CD58: variants seen among roughly 807,000 people sequenced by gnomAD.
CD58 encodes the protein CD58 molecule, also known as lymphocyte function-associated antigen 3.
A neutral mutation model predicts 27.6 loss-of-function variants in CD58; 14 were observed. That is an observed-to-expected ratio of 0.51 (90% CI 0.34 to 0.79). The LOEUF is 0.79. Among genes scored for constraint, CD58 ranks in the 30% least tolerant of loss-of-function variants. CD58 has a pLI of 0.02. For synonymous variants in CD58, 117 were observed against 103.8 expected (o/e 1.13, Z -0.77); for missense variants, 268 against 301.7 (o/e 0.89, Z 0.83).
rs1183157398 is a variant in CD58 at position 116,534,072 on chromosome 1, T to A, written c.628+1893A>T. On this transcript the variant is annotated intron_variant, in intron 3 of 5. Coordinates refer to ENST00000369489, the MANE Select transcript of CD58 (RefSeq NM_001779.3). This position sits in a 1 kb window ranked among gnomAD's most constrained non-coding sequence, Gnocchi z 5.3. Reference sequence around the variant, plus strand: ...CCACGAAATCTGAAGGAACCCCATCTGAAAAACTGTTATCTGCCATCTGAA... The same window carrying A: ...CCACGAAATCTGAAGGAACCCCATCAGAAAAACTGTTATCTGCCATCTGAA... The A allele has an allele frequency of 1.2e-6, 1 of 861,484 alleles. No homozygotes were observed. Among genetic ancestry groups the A allele is most frequent in the Admixed American group, 1.7e-5 (1 of 58,254 alleles). The allele number at this position is 861,484 out of a possible 1,614,324, so 53.4% of individuals were successfully genotyped here. A position where few individuals can be genotyped will look rare whatever the true frequency, so the allele number is the denominator to read the frequency against.
At position 116,550,587 on chromosome 1, in the gene CD58, T is replaced by C. The variant is rs1426438655; in HGVS notation, c.71-5983A>G. Among the ~76,000 whole-genome samples, 1 of 152,190 alleles carries C rather than the reference T, an allele frequency of 6.6e-6. No individual in the cohort carries two copies. Among genetic ancestry groups the C allele is most frequent in the African/African-American group, 2.4e-5 (1 of 41,432 alleles). ...GGAATCAAATTCTTCCAAACTCCTG[T>C]TAATATTGATATTTTGACCTGACGA... On this transcript the variant is annotated intron_variant, in intron 1 of 5. Transcript: ENST00000369489. The surrounding 1 kb of genome is among the most constrained non-coding windows in gnomAD (Gnocchi z 4.2).
intron 1 of CD58, among the ~76,000 whole-genome samples, chr1:116,547,184 G>T (rs1409684888): frequency 6.6e-6 from 1 of 151,210 alleles, no homozygotes; most frequent in African/African-American, 2.4e-5. Flanking sequence ...AGTCCCCAAA[G>T]TTCACTGTAT....
intron 1 of CD58, among the ~76,000 whole-genome samples, chr1:116,564,922 A>C (rs951318616): frequency 2.0e-5 from 3 of 152,122 alleles, no homozygotes; most frequent in South Asian, 4.1e-4. Flanking sequence ...AGCCAAGTTC[A>C]TACTTTTGAG....
At chr1:116,566,932 A>G (rs1658955121) in intron 1 of CD58, among the ~76,000 whole-genome samples, 1 of 151,890 alleles carries the variant, frequency 6.6e-6, no homozygotes, top group Admixed American at 6.6e-5. Context: ...TGAGCCCAGG[A>G]GTTCAAGACC....
chr1:116,551,589 C>T (rs1483383898), intron 1 of CD58, among the ~76,000 whole-genome samples: 2 of 152,156 alleles, frequency 1.3e-5, no homozygotes, highest in African/African-American at 4.8e-5. Context: ...TCTGCAATAA[C>T]GCTGTTTCAC....
intron 2 of CD58, among the ~76,000 whole-genome samples, chr1:116,540,506 C>T (rs1278456812): frequency 4.6e-5 from 7 of 152,152 alleles, no homozygotes; most frequent in Admixed American, 4.6e-4. Flanking sequence ...CTTGACATCT[C>T]CTCTCTTTAA....
rs1184090451 is a variant in CD58, at chr1:116,550,948, A to G, written c.71-6344T>C. 1.3e-5 allele frequency among the ~76,000 whole-genome samples: 2 copies of G among 152,170 alleles called. No homozygotes were observed. Among genetic ancestry groups the G allele is most frequent in the Non-Finnish European group, 2.9e-5 (2 of 68,040 alleles). ...GTGCATTGTCAACAAGCAATAATAT[A>G]CTGAAATGAATCTTTTTTTTCTAAG... On this transcript the variant is annotated intron_variant, in intron 1 of 5. Transcript: ENST00000369489. This position sits in a 1 kb window ranked among gnomAD's most constrained non-coding sequence, Gnocchi z 4.2.
chr1:116,530,446 C>T (rs1424304092), intron 3 of CD58, among the ~76,000 whole-genome samples: 1 of 152,062 alleles, frequency 6.6e-6, no homozygotes, highest in Admixed American at 6.5e-5. Flanking sequence ...ACCTCGTGAT[C>T]CACCCGCCTC....
Position 116,524,408 on chromosome 1 carries a change from T to C in CD58, c.629-2425A>G, listed in dbSNP as rs1657366095. On this transcript the variant is annotated intron_variant, in intron 3 of 5. Transcript: ENST00000369489. The surrounding 1 kb of genome is among the most constrained non-coding windows in gnomAD (Gnocchi z 4.6). The stretch of plus-strand genomic sequence containing the variant: ...AGGACTGGCTCTTGTTTCTAGAACA[T>C]TTCAATGGACAGAACCAGGAAATAC... Among the ~76,000 whole-genome samples, 1 of 152,162 alleles carries C rather than the reference T, an allele frequency of 6.6e-6. No individual in the cohort carries two copies. Among genetic ancestry groups the C allele is most frequent in the Non-Finnish European group, 1.5e-5 (1 of 68,012 alleles).
At position 116,524,365 on chromosome 1, in the gene CD58, A is replaced by G. The variant is rs1188348885; in HGVS notation, c.629-2382T>C. On this transcript the variant is annotated intron_variant, in intron 3 of 5. Transcript: ENST00000369489. This position sits in a 1 kb window ranked among gnomAD's most constrained non-coding sequence, Gnocchi z 4.6. ...CTCAAATCTGGGTCCAAGAACCAAG[A>G]AGCATGCAAATTGCTACAGGACTGG... 2.6e-5 allele frequency among the ~76,000 whole-genome samples: 4 copies of G among 152,236 alleles called. No homozygotes were observed. In the East Asian group the frequency reaches 7.7e-4, roughly 29 times the overall value.
rs2101155600 is a variant in CD58, at chr1:116,521,720, T to G, written c.706+186A>C. ...TGTGGCCTAAGGATTCATTCTACCT[T>G]GAGATAATGTGGATCTTTGGAGGAA... On this transcript the variant is annotated intron_variant, in intron 4 of 5. Transcript: ENST00000369489. This position sits in a 1 kb window ranked among gnomAD's most constrained non-coding sequence, Gnocchi z 5.6. 4.5e-4 allele frequency: 234 copies of G among 516,346 alleles called. No individual in the cohort carries two copies. The highest frequency in any genetic ancestry group is 1.1e-3 in the Middle Eastern group (2 of 1,754). 32.0% of individuals were successfully genotyped at this position (516,346 alleles called of 1,614,324 possible). A position where few individuals can be genotyped will look rare whatever the true frequency, so the allele number is the denominator to read the frequency against.
chr1:116,537,503 G>A (rs1657850603), intron 2 of CD58, among the ~76,000 whole-genome samples: 1 of 152,220 alleles, frequency 6.6e-6, no homozygotes, highest in Admixed American at 6.5e-5. Context: ...GTCGGGCCCT[G>A]CCTATTGGTT....
rs1657023607 is a variant in CD58, at chr1:116,514,814, C to G, written c.752G>C (p.Ter251SerextTer15). ...DRKPDRTNSN* is the reference protein window; with the variant it reads ...DRKPDRTNSNS ...GTTGTCTTCATCTTCTGTTACCAAT[C>G]AATTGGAGCTACAAAAAAAAATCAT... is the stretch of plus-strand genomic sequence containing the variant. The change falls in exon 6 of 6, where the codon TGA becomes TCA. Residue 251 changes from the stop codon to serine, a stop_lost. Coordinates refer to ENST00000369489, the MANE Select transcript of CD58 (RefSeq NM_001779.3). The G allele has an allele frequency of 4.5e-6, 7 of 1,549,292 alleles. No homozygotes were observed. The highest frequency in any genetic ancestry group is 2.7e-5 in the African/African-American group (2 of 73,294).
Position 116,559,206 on chromosome 1 carries a change from G to A in CD58, c.70+11697C>T, listed in dbSNP as rs1393402189. On this transcript the variant is annotated intron_variant, in intron 1 of 5. Coordinates refer to ENST00000369489, the MANE Select transcript of CD58 (RefSeq NM_001779.3). The surrounding 1 kb of genome is among the most constrained non-coding windows in gnomAD (Gnocchi z 4.4). ...AGAGTCCAGAAAAGCAGGGGAGCGA[G>A]CCTAAGAACATCTGGGGTGAGAGTG... 1.3e-5 allele frequency among the ~76,000 whole-genome samples: 2 copies of A among 152,142 alleles called. No homozygotes were observed. Among genetic ancestry groups the A allele is most frequent in the Admixed American group, 1.3e-4 (2 of 15,276 alleles).
rs1657124539 is a variant in CD58 at position 116,517,707 on chromosome 1, C to A, written c.743+1524G>T. Among the ~76,000 whole-genome samples the A allele has an allele frequency of 6.6e-6, 1 of 152,174 alleles. No individual in the cohort carries two copies. Among genetic ancestry groups the A allele is most frequent in the Admixed American group, 6.5e-5 (1 of 15,278 alleles). Reference sequence around the variant, plus strand: ...TCTGCCTCTTCCCATCACCCTAGGGCATCTAGCTTTTCTTTCTTAGTGACC... The same window carrying A: ...TCTGCCTCTTCCCATCACCCTAGGGAATCTAGCTTTTCTTTCTTAGTGACC... On this transcript the variant is annotated intron_variant, in intron 5 of 5. Coordinates refer to ENST00000369489, the MANE Select transcript of CD58 (RefSeq NM_001779.3). This position sits in a 1 kb window ranked among gnomAD's most constrained non-coding sequence, Gnocchi z 6.5.
chr1:116,521,715 T>C lies in CD58; in HGVS notation c.706+191A>G. 1.9e-6 allele frequency: 1 copy of C among 514,070 alleles called. No homozygotes were observed. The highest frequency in any genetic ancestry group is 3.6e-6 in the Non-Finnish European group (1 of 277,346). 31.8% of individuals were successfully genotyped at this position (514,070 alleles called of 1,614,324 possible). ...CTCTCTGTGGCCTAAGGATTCATTC[T>C]ACCTTGAGATAATGTGGATCTTTGG... On this transcript the variant is annotated intron_variant, in intron 4 of 5. Transcript: ENST00000369489. The surrounding 1 kb of genome is among the most constrained non-coding windows in gnomAD (Gnocchi z 5.6).
In CD58 at chr1:116,517,281, C is replaced by G. The variant is rs537699671; in HGVS notation, c.743+1950G>C. Among the ~76,000 whole-genome samples, 1 of 152,310 alleles carries G rather than the reference C, an allele frequency of 6.6e-6. No individual in the cohort carries two copies. Among genetic ancestry groups the G allele is most frequent in the South Asian group, 2.1e-4 (1 of 4,826 alleles). ...TCCCACCTCACCTCATCTCCAGCTA[C>G]TTGGCTCCTCTCTGCCCAGCCTCCT... On this transcript the variant is annotated intron_variant, in intron 5 of 5. Coordinates refer to ENST00000369489, the MANE Select transcript of CD58 (RefSeq NM_001779.3). The surrounding 1 kb of genome is among the most constrained non-coding windows in gnomAD (Gnocchi z 6.5).
chr1:116,565,545 C>CA (rs1306949285), intron 1 of CD58, among the ~76,000 whole-genome samples: 1 of 151,796 alleles, frequency 6.6e-6, no homozygotes, highest in African/African-American at 2.4e-5. Flanking sequence ...AGGGACTGTA[C>CA]AGCTGTGAAA....
intron 3 of CD58, chr1:116,533,105 T>C: frequency 2.7e-6 from 2 of 746,496 alleles, no homozygotes; most frequent in South Asian, 2.8e-5. Context: ...CAGCACAGCC[T>C]GTGGTCCGCT....
Sources: gnomAD v4.1 joint callset for allele counts (sites outside exome capture counted in the v4.1 genomes callset) on GRCh38, gnomAD v4.1.1 for gene constraint, Gnocchi (gnomAD v3.1) non-coding constraint, MANE v1.5 for transcripts, NCBI Gene and HGNC (gene_info 2026-07-23, HGNC 2026-07-21) for gene names.